Variants in NAV2 observed in about 807,000 individuals in gnomAD.
NAV2 encodes the protein neuron navigator 2.
NAV2 carries 54 observed loss-of-function variants against 223.2 expected under a neutral mutation model. That is an observed-to-expected ratio of 0.24 (90% CI 0.19 to 0.30). The LOEUF is 0.30. NAV2 is among the 10% of genes least tolerant of loss of function. The pLI is 1.00. For missense variants in NAV2, 2,806 were observed against 3,147.5 expected (o/e 0.89, Z 2.60); for synonymous variants, 1,279 against 1,239.3 (o/e 1.03, Z -0.67).
chr11:19,729,842 G>C (rs1030789530), intron 1 of NAV2, among the ~76,000 whole-genome samples: 12 of 152,140 alleles, frequency 7.9e-5, no homozygotes, highest in Non-Finnish European at 2.9e-5. Flanking sequence ...ACCTATAGGA[G>C]AGCAAATTTT....
intron 1 of NAV2, among the ~76,000 whole-genome samples, chr11:19,475,866 A>G (rs2042097400): frequency 6.6e-6 from 1 of 152,256 alleles, no homozygotes; most frequent in Non-Finnish European, 1.5e-5. Context: ...GCATGTTCAT[A>G]TGGTAAGAGC....
chr11:19,405,032 G>A lies in NAV2; in HGVS notation c.75+54005G>A, dbSNP rs189250785. Among the ~76,000 whole-genome samples, 352 of 152,234 alleles carry A rather than the reference G, an allele frequency of 2.3e-3. 2 individuals are homozygous for A. Among genetic ancestry groups the A allele is most frequent in the African/African-American group, 8.2e-3 (340 of 41,536 alleles). On this transcript the variant is annotated intron_variant, in intron 1 of 37. Coordinates refer to the NAV2 transcript ENST00000360655. ...TGTGGACCAAGGACAGAGGCAAAAGGCAGCTAACTTTCATAAATATTTTGT... is the reference window on the plus strand; with the variant it reads ...TGTGGACCAAGGACAGAGGCAAAAGACAGCTAACTTTCATAAATATTTTGT...
rs112788055 is a variant in NAV2, at chr11:19,437,585, T to C, written c.75+86558T>C. On this transcript the variant is annotated intron_variant, in intron 1 of 37. Transcript: ENST00000360655. Reference sequence around the variant, plus strand: ...TATACCTTTGGCTGAATTCCTTCTTTAGGCAGTTAAAGCTCACAAATGGGT... The same window carrying C: ...TATACCTTTGGCTGAATTCCTTCTTCAGGCAGTTAAAGCTCACAAATGGGT... 3.9e-3 allele frequency among the ~76,000 whole-genome samples: 597 copies of C among 152,284 alleles called. 7 individuals carry two copies. Among genetic ancestry groups the C allele is most frequent in the African/African-American group, 0.013 (560 of 41,560 alleles).
intron 1 of NAV2, among the ~76,000 whole-genome samples, chr11:19,776,632 A>ATGTGTGTGTGTG (rs71050685): frequency 0.074 from 4,783 of 64,542 alleles, 506 homozygotes; most frequent in Non-Finnish European, 0.1. Context: ...GGGTCAGAAA[A>ATGTGTGTGTGTG]TGTGTGTGTG....
rs7943874 is a variant in NAV2, at chr11:19,802,154, C to G, written c.268-30330C>G. 3.4e-3 allele frequency among the ~76,000 whole-genome samples: 522 copies of G among 152,136 alleles called. 3 individuals are homozygous for G. The highest frequency in any genetic ancestry group is 7.5e-3 in the Admixed American group (114 of 15,276). ...ACTGGGGGTCTTCACCAAACTGGGACCAAAATTCAATTCAGTGGGAGGAAG... is the reference window on the plus strand; with the variant it reads ...ACTGGGGGTCTTCACCAAACTGGGAGCAAAATTCAATTCAGTGGGAGGAAG... On this transcript the variant is annotated intron_variant, in intron 1 of 37. Transcript: ENST00000349880.
chr11:19,988,955 G>T (rs1248357461), intron 11 of NAV2, among the ~76,000 whole-genome samples: 1 of 152,178 alleles, frequency 6.6e-6, no homozygotes, highest in Non-Finnish European at 1.5e-5. Flanking sequence ...CCAGCCTGCA[G>T]ATGCAATTGG....
At chr11:20,011,572 C>G (rs538007165) in intron 11 of NAV2, among the ~76,000 whole-genome samples, 5 of 152,218 alleles carry the variant, frequency 3.3e-5, no homozygotes, top group Non-Finnish European at 5.9e-5. Context: ...GAAACAGACA[C>G]ACATCGCTTA....
chr11:19,815,897 C>T (rs1485056490), intron 1 of NAV2, among the ~76,000 whole-genome samples: 1 of 152,172 alleles, frequency 6.6e-6, no homozygotes, highest in East Asian at 1.9e-4. Context: ...GTTGTTAGGA[C>T]TTTATTATTC....
chr11:19,732,485 A>G (rs2051884424), intron 1 of NAV2, among the ~76,000 whole-genome samples: 1 of 152,230 alleles, frequency 6.6e-6, no homozygotes, highest in Non-Finnish European at 1.5e-5. Context: ...GTGGGCAGCT[A>G]TTAAGAGGGT....
intron 1 of NAV2, among the ~76,000 whole-genome samples, chr11:19,525,443 G>A (rs1251930043): frequency 6.6e-6 from 1 of 152,176 alleles, no homozygotes; most frequent in Non-Finnish European, 1.5e-5. Context: ...AATAGAAGAG[G>A]GGGTGCAGGC....
At chr11:19,487,751 G>A (rs545963933) in intron 1 of NAV2, among the ~76,000 whole-genome samples, 1 of 152,288 alleles carries the variant, frequency 6.6e-6, no homozygotes, top group South Asian at 2.1e-4. Context: ...ATTAAACTTT[G>A]ACAGGGTTTA....
intron 31 of NAV2, 73 bp from the exon 32 acceptor site, chr11:20,100,864 T>G (rs1405149734): frequency 4.6e-6 from 6 of 1,316,890 alleles, no homozygotes; most frequent in Non-Finnish European, 3.3e-6. Context: ...GTCTTGGCAG[T>G]CCCAGTTAGG....
intron 1 of NAV2, among the ~76,000 whole-genome samples, chr11:19,811,837 C>CA (rs1028025724): frequency 9.9e-5 from 15 of 151,818 alleles, no homozygotes; most frequent in Non-Finnish European, 2.1e-4. Context: ...GGTAAGCAGT[C>CA]AAAAAAAATA....
chr11:19,706,582 G>A (rs1244329019), intron 1 of NAV2, among the ~76,000 whole-genome samples: 2 of 152,152 alleles, frequency 1.3e-5, no homozygotes, highest in South Asian at 2.1e-4. Flanking sequence ...TTTCAGTTTC[G>A]AGAAAGGACA....
chr11:19,756,154 A>G (rs2054214656), intron 1 of NAV2, among the ~76,000 whole-genome samples: 1 of 152,168 alleles, frequency 6.6e-6, no homozygotes, highest in African/African-American at 2.4e-5. Context: ...CTCATGGGCA[A>G]GGAATGAATC....
At chr11:19,352,221 A>T (rs1199923122) in intron 1 of NAV2, among the ~76,000 whole-genome samples, 1 of 152,194 alleles carries the variant, frequency 6.6e-6, no homozygotes, top group Non-Finnish European at 1.5e-5. Flanking sequence ...ATAACCTACT[A>T]GACCTGTCTA....
chr11:19,352,979 C>T (rs1249393069), intron 1 of NAV2, among the ~76,000 whole-genome samples: 3 of 152,114 alleles, frequency 2.0e-5, no homozygotes, highest in African/African-American at 7.2e-5. Flanking sequence ...AGCCTCTCAG[C>T]GTGCAGCCTG....
At chr11:20,104,026 G>T (rs148020231) in intron 34 of NAV2, among the ~76,000 whole-genome samples, 46 of 152,328 alleles carry the variant, frequency 3.0e-4, no homozygotes, top group African/African-American at 1.1e-3. Context: ...CTGTCATAGG[G>T]TCAAGGGGGC....
intron 1 of NAV2, among the ~76,000 whole-genome samples, chr11:19,805,649 G>C (rs1399729550): frequency 1.3e-5 from 2 of 152,198 alleles, no homozygotes; most frequent in Non-Finnish European, 2.9e-5. Flanking sequence ...TGAGCTGTGA[G>C]CTGCCTTTCC....
Sources: gnomAD v4.1 joint callset for allele counts (sites outside exome capture counted in the v4.1 genomes callset) on GRCh38, gnomAD v4.1.1 for gene constraint, MANE v1.5 for transcripts, NCBI Gene and HGNC (gene_info 2026-07-23, HGNC 2026-07-21) for gene names.